The following MMP26 variants were observed in gnomAD, a reference collection of about 807,000 sequenced individuals.
MMP26 encodes the protein matrix metallopeptidase 26.
MMP26 carries 33 observed loss-of-function variants against 31.0 expected under a neutral mutation model. The ratio of observed to expected loss-of-function variants is 1.06; its 90% confidence interval spans 0.81 to 1.42. The LOEUF is 1.42. Among genes scored for constraint, MMP26 ranks in the 40% most tolerant of loss-of-function variants. MMP26 has a pLI of 0.00. For synonymous variants in MMP26, 122 were observed against 114.9 expected (o/e 1.06, Z -0.40); for missense variants, 347 against 316.1 (o/e 1.10, Z -0.74).
chr11:4,905,578 T>G (rs548376190), intron 2 of MMP26, among the ~76,000 whole-genome samples: 1 of 152,222 alleles, frequency 6.6e-6, no homozygotes, highest in African/African-American at 2.4e-5. Flanking sequence ...AATTCTGGAG[T>G]GAGGATAGCT....
intron 2 of MMP26, chr11:4,915,679 G>A (rs762079505): frequency 1.9e-6 from 3 of 1,582,268 alleles, no homozygotes; most frequent in East Asian, 4.5e-5. Context: ...GAGGAGACAA[G>A]GGGGAAGGTG....
intron 2 of MMP26, among the ~76,000 whole-genome samples, chr11:4,857,656 G>A (rs1206155718): frequency 4.6e-5 from 7 of 152,088 alleles, no homozygotes; most frequent in Admixed American, 1.3e-4. Flanking sequence ...ACAAGGAGGA[G>A]CTGGTACCAT....
chr11:4,985,907 A>G (rs1846878629), intron 2 of MMP26, among the ~76,000 whole-genome samples: 1 of 152,158 alleles, frequency 6.6e-6, no homozygotes, highest in African/African-American at 2.4e-5. Context: ...GGCAACCACT[A>G]TACTCATTGC....
At chr11:4,942,493 T>C (rs981240947) in intron 2 of MMP26, among the ~76,000 whole-genome samples, 4 of 152,172 alleles carry the variant, frequency 2.6e-5, no homozygotes, top group Non-Finnish European at 4.4e-5. Flanking sequence ...TTAGGCTTAC[T>C]GCTTTTTATT....
At chr11:4,900,615 T>C (rs1013079261) in intron 2 of MMP26, among the ~76,000 whole-genome samples, 1 of 152,174 alleles carries the variant, frequency 6.6e-6, no homozygotes, top group African/African-American at 2.4e-5. Context: ...AATTGTCAGG[T>C]CCACTCAGTG....
At chr11:4,727,454 G>GCTTACAGTCATC (rs2133280807) in intron 1 of MMP26, among the ~76,000 whole-genome samples, 1 of 151,996 alleles carries the variant, frequency 6.6e-6, no homozygotes, top group Admixed American at 6.6e-5. Context: ...GGCCATATTT[G>GCTTACAGTCATC]AAAAAAATCT....
intron 2 of MMP26, among the ~76,000 whole-genome samples, chr11:4,844,053 T>C (rs10836748): frequency 0.39 from 58,922 of 151,892 alleles, 11,895 homozygotes; most frequent in Middle Eastern, 0.43. Context: ...GAATAAGAGA[T>C]GATCCAAATA....
intron 2 of MMP26, among the ~76,000 whole-genome samples, chr11:4,892,529 C>T (rs186792838): frequency 3.9e-5 from 6 of 152,226 alleles, no homozygotes; most frequent in Admixed American, 2.0e-4. Context: ...TGTGTCAGGC[C>T]GATCTTGATA....
rs755793807 is a variant in MMP26 at position 4,849,060 on chromosome 11, T to C, written c.-145+81719T>C. 1.9e-6 allele frequency: 3 copies of C among 1,613,924 alleles called. No homozygotes were observed. In the Admixed American group the frequency reaches 5.0e-5, roughly 27 times the overall value. ...GGCAATGATCCAGAGGATGGTGCCA[T>C]TTCCCAGTGCAGAGAGAAGGTAGAC... is the stretch of plus-strand genomic sequence containing the variant. On this transcript the variant is annotated intron_variant, in intron 2 of 7. Coordinates refer to ENST00000380390, the MANE Select transcript of MMP26 (RefSeq NM_021801.5).
intron 2 of MMP26, chr11:4,973,028 G>A (rs1480722096): frequency 6.5e-6 from 1 of 154,366 alleles, no homozygotes; most frequent in Non-Finnish European, 1.5e-5. Context: ...GTTCATCAAT[G>A]GAGGCACCAG....
chr11:4,778,649 A>T (rs1039173120), intron 2 of MMP26, among the ~76,000 whole-genome samples: 5 of 152,086 alleles, frequency 3.3e-5, no homozygotes, highest in Admixed American at 3.3e-4. Flanking sequence ...CACTGTAGGA[A>T]AACCTGCTAA....
chr11:4,881,805 A>G (rs111874540), intron 2 of MMP26: 1 of 1,129,394 alleles, frequency 8.9e-7, no homozygotes, highest in South Asian at 1.5e-5. Context: ...CTTAAATTTA[A>G]AATTGTATAT....
intron 2 of MMP26, among the ~76,000 whole-genome samples, chr11:4,979,206 G>T (rs576958842): frequency 1.3e-5 from 2 of 152,114 alleles, no homozygotes; most frequent in Non-Finnish European, 2.9e-5. Flanking sequence ...ATCAAAGATG[G>T]ATAACCATGA....
At chr11:4,963,303 T>C (rs1158723946) in intron 2 of MMP26, among the ~76,000 whole-genome samples, 1 of 152,146 alleles carries the variant, frequency 6.6e-6, no homozygotes, top group Admixed American at 6.5e-5. Context: ...AAAATGGCCA[T>C]ACTGCCCAAA....
At chr11:4,889,076 A>T (rs1469117435) in intron 2 of MMP26, among the ~76,000 whole-genome samples, 3 of 152,162 alleles carry the variant, frequency 2.0e-5, no homozygotes, top group Non-Finnish European at 4.4e-5. Context: ...AAACTGTCAC[A>T]TACACACTTA....
chr11:4,933,353 G>T (rs558532201), intron 2 of MMP26, among the ~76,000 whole-genome samples: 1 of 152,070 alleles, frequency 6.6e-6, no homozygotes, highest in South Asian at 2.1e-4. Flanking sequence ...TAGTCTCCTG[G>T]GATTCATATT....
chr11:4,743,697 C>A (rs899859323), intron 1 of MMP26, among the ~76,000 whole-genome samples: 1 of 152,178 alleles, frequency 6.6e-6, no homozygotes, highest in Non-Finnish European at 1.5e-5. Context: ...ACTGCACTTC[C>A]AGGCATATGA....
At chr11:4,759,111 CAAAAAAA>C (rs989730402) in intron 1 of MMP26, among the ~76,000 whole-genome samples, 15 of 43,186 alleles carry the variant, frequency 3.5e-4, no homozygotes, top group Admixed American at 7.3e-4. Context: ...CATTCCATCT[CAAAAAAA>C]AAAAAAAAAA....
At chr11:4,764,577 C>A (rs73397007) in intron 1 of MMP26, among the ~76,000 whole-genome samples, 14,559 of 152,110 alleles carry the variant, frequency 0.096, 1,539 homozygotes, top group African/African-American at 0.27. Context: ...AAAATCTGTA[C>A]AAAGAATACT....
Sources: allele counts gnomAD v4.1 joint callset (sites outside exome capture counted in the v4.1 genomes callset), GRCh38; gene constraint gnomAD v4.1.1; transcripts MANE v1.5; gene names NCBI Gene and HGNC (gene_info 2026-07-23, HGNC 2026-07-21).